Variants in RAI2 observed in about 807,000 individuals in gnomAD.
The protein encoded by RAI2 is retinoic acid-induced protein 2.
RAI2 carries 5 observed loss-of-function variants against 15.3 expected under a neutral mutation model. That is an observed-to-expected ratio of 0.33 (90% CI 0.17 to 0.69). RAI2 has a LOEUF of 0.69. Among genes scored for constraint, RAI2 ranks in the 30% least tolerant of loss-of-function variants. RAI2 has a pLI of 0.69. For missense variants in RAI2, 424 were observed against 424.7 expected (o/e 1.00, Z 0.01); for synonymous variants, 191 against 184.0 (o/e 1.04, Z -0.31).
At chrX:17,820,234 G>A (rs988276000) in intron 1 of RAI2, among the ~76,000 whole-genome samples, 1 of 112,699 alleles carries the variant, frequency 8.9e-6, no homozygotes, top group Non-Finnish European at 1.9e-5. Context: ...GCTGGCTTGA[G>A]AGTGTGGGAT....
intron 1 of RAI2, among the ~76,000 whole-genome samples, chrX:17,804,521 G>C (rs1379441003): frequency 8.9e-6 from 1 of 112,118 alleles, no homozygotes; most frequent in African/African-American, 3.2e-5. Context: ...GTCCCTCACA[G>C]TGGCCAGAAC....
At chrX:17,806,046 C>T (rs1436203102) in intron 1 of RAI2, among the ~76,000 whole-genome samples, 1 of 112,235 alleles carries the variant, frequency 8.9e-6, no homozygotes, top group Non-Finnish European at 1.9e-5. Context: ...CCAGTGGGAG[C>T]ATAGTGGGTG....
intron 1 of RAI2, among the ~76,000 whole-genome samples, chrX:17,838,762 C>T (rs995712624): frequency 3.6e-5 from 4 of 111,208 alleles, no homozygotes; most frequent in African/African-American, 9.8e-5. Flanking sequence ...CATGCACTCA[C>T]GTCCCACACT....
intron 1 of RAI2, among the ~76,000 whole-genome samples, chrX:17,833,800 G>A (rs1213327302): frequency 8.9e-6 from 1 of 111,974 alleles, no homozygotes; most frequent in Non-Finnish European, 1.9e-5. Context: ...CAAAAGCAAT[G>A]GGGGAGATAC....
rs759805198 is a variant in RAI2, at chrX:17,801,039, C to T, written c.972G>A (p.Val324=). 3.7e-5 allele frequency: 45 copies of T among 1,209,561 alleles called. No individual in the cohort carries two copies. The highest frequency in any genetic ancestry group is 3.5e-5 in the South Asian group (2 of 56,733). ...NEALDLSMKS[V]PWLKAGEVSP... ...TGACTTCACCAGCCTTGAGCCAGGG[C>T]ACTGACTTCATGGAGAGATCCAGGG... is the stretch of plus-strand genomic sequence containing the variant. Residue 324 remains valine, a synonymous_variant, in exon 2 of 2, where the codon GTG becomes GTA. Coordinates refer to ENST00000451717, the MANE Select transcript of RAI2 (RefSeq NM_021785.6).
intron 1 of RAI2, chrX:17,860,734 C>T (rs2067677731): frequency 9.0e-6 from 1 of 110,779 alleles, no homozygotes; most frequent in African/African-American, 3.3e-5. Flanking sequence ...CGTGCACCGC[C>T]CTCTGCGCCC....
At chrX:17,839,740 G>A (rs192297776) in intron 1 of RAI2, among the ~76,000 whole-genome samples, 23 of 112,448 alleles carry the variant, frequency 2.0e-4, no homozygotes, top group African/African-American at 5.5e-4. Context: ...TATGAAGACT[G>A]GAAACAACCT....
At chrX:17,828,397 T>C (rs1327831083) in intron 1 of RAI2, among the ~76,000 whole-genome samples, 1 of 111,815 alleles carries the variant, frequency 8.9e-6, no homozygotes, top group Non-Finnish European at 1.9e-5. Flanking sequence ...CTGGCCCACA[T>C]GGCACATAAC....
intron 1 of RAI2, among the ~76,000 whole-genome samples, chrX:17,815,695 C>G (rs1432241509): frequency 8.9e-6 from 1 of 111,756 alleles, no homozygotes; most frequent in Non-Finnish European, 1.9e-5. Context: ...GTCAAGAGTG[C>G]TTCAAACATT....
intron 1 of RAI2, among the ~76,000 whole-genome samples, chrX:17,844,363 C>T (rs915575839): frequency 7.1e-5 from 8 of 112,574 alleles, no homozygotes; most frequent in African/African-American, 2.6e-4. Flanking sequence ...TTATATTGTC[C>T]TATTCTTGGT....
chrX:17,822,504 C>A (rs2067178107), intron 1 of RAI2, among the ~76,000 whole-genome samples: 1 of 112,108 alleles, frequency 8.9e-6, no homozygotes, highest in Non-Finnish European at 1.9e-5. Flanking sequence ...TGGCAACAGC[C>A]CCATGTGCTG....
intron 1 of RAI2, among the ~76,000 whole-genome samples, chrX:17,859,211 A>G (rs2067657191): frequency 9.0e-6 from 1 of 110,739 alleles, no homozygotes; most frequent in South Asian, 3.9e-4. Flanking sequence ...CCACCCCTCT[A>G]CTGTAACAAA....
At chrX:17,830,899 T>C (rs1673184192) in intron 1 of RAI2, among the ~76,000 whole-genome samples, 1 of 112,281 alleles carries the variant, frequency 8.9e-6, no homozygotes, top group Non-Finnish European at 1.9e-5. Context: ...TTTGTTTTAA[T>C]TGAATGATGA....
intron 1 of RAI2, among the ~76,000 whole-genome samples, chrX:17,819,035 C>CT (rs1467165804): frequency 8.9e-6 from 1 of 112,122 alleles, no homozygotes; most frequent in Non-Finnish European, 1.9e-5. Context: ...CTTCTCCACT[C>CT]TGACTCTCTT....
At chrX:17,852,906 C>G (rs981310419) in intron 1 of RAI2, among the ~76,000 whole-genome samples, 14 of 110,588 alleles carry the variant, frequency 1.3e-4, no homozygotes, top group African/African-American at 4.6e-4. Context: ...TACTGGAAAA[C>G]ATGGAATTTA....
intron 1 of RAI2, among the ~76,000 whole-genome samples, chrX:17,853,064 G>C (rs1215736686): frequency 3.6e-5 from 4 of 110,669 alleles, no homozygotes; most frequent in African/African-American, 1.3e-4. Flanking sequence ...CTGGGGGTGG[G>C]GGAAGATGCC....
intron 1 of RAI2, among the ~76,000 whole-genome samples, chrX:17,807,276 G>T (rs749386767): frequency 9.0e-6 from 1 of 111,570 alleles, no homozygotes; most frequent in African/African-American, 3.3e-5. Flanking sequence ...ACTTTGTCTA[G>T]TCCTGACTCT....
intron 1 of RAI2, among the ~76,000 whole-genome samples, chrX:17,817,252 T>C (rs1237539146): frequency 5.4e-5 from 6 of 110,800 alleles, no homozygotes; most frequent in African/African-American, 2.0e-4. Context: ...GCTCCCACTC[T>C]TTTACTTCCA....
chrX:17,819,733 G>A (rs2067144499), intron 1 of RAI2, among the ~76,000 whole-genome samples: 1 of 112,448 alleles, frequency 8.9e-6, no homozygotes, highest in Non-Finnish European at 1.9e-5. Flanking sequence ...AAGTGCACAT[G>A]CTGTAAGATT....
Sources: allele counts gnomAD v4.1 joint callset (sites outside exome capture counted in the v4.1 genomes callset), GRCh38; gene constraint gnomAD v4.1.1; transcripts MANE v1.5; gene names NCBI Gene and HGNC (gene_info 2026-07-23, HGNC 2026-07-21).